MAP3K13: variants seen among roughly 807,000 people sequenced by gnomAD.
MAP3K13 encodes mitogen-activated protein kinase kinase kinase 13, also known as leucine zipper-bearing kinase.
Under a neutral mutation model 104.0 loss-of-function variants are expected in MAP3K13, and 52 were observed. The ratio of observed to expected loss-of-function variants is 0.50; its 90% CI spans 0.40 to 0.63. The LOEUF (loss-of-function observed/expected upper bound fraction) is 0.63. Ranked by LOEUF, MAP3K13 falls within the 20% of genes least tolerant of loss-of-function variation. MAP3K13 has a pLI of 0.00. For synonymous variants in MAP3K13, 394 were observed against 442.2 expected (o/e 0.89, Z 1.37); for missense variants, 914 against 1,218.5 (o/e 0.75, Z 3.72).
Position 185,480,261 on chromosome 3 carries a change from C to T in MAP3K13, c.2531C>T (p.Ser844Leu). Residue 844 changes from serine to leucine, a missense_variant, in exon 13 of 14, where the codon TCA becomes TTA. Ser to Leu is a moderately radical substitution (Grantham distance 145). Coordinates refer to ENST00000265026, the MANE Select transcript of MAP3K13 (RefSeq NM_004721.5). ...CATCGCTGTATCAGCAGCTGCCAGT[C>T]ATATTCAACCTTTAGCTCTGAGAAT... is the stretch of plus-strand genomic sequence containing the variant. ...RPHRCISSCQ[S>L]YSTFSSENFS... 1 of 1,614,138 alleles carries T rather than the reference C, an allele frequency of 6.2e-7. No individual in the cohort carries two copies. The highest frequency in any genetic ancestry group is 8.5e-7 in the Non-Finnish European group (1 of 1,180,020).
At chr3:185,392,865 A>G (rs1358972446) in intron 1 of MAP3K13, among the ~76,000 whole-genome samples, 1 of 152,064 alleles carries the variant, frequency 6.6e-6, no homozygotes, top group Non-Finnish European at 1.5e-5. Context: ...CCTGGCCAAC[A>G]TGATGAAACC....
chr3:185,445,588 G>A (rs1370851795), intron 4 of MAP3K13, among the ~76,000 whole-genome samples: 4 of 152,160 alleles, frequency 2.6e-5, no homozygotes, highest in African/African-American at 4.8e-5. Context: ...TCAGGAAGCC[G>A]TAGAATAGAG....
chr3:185,423,899 C>T lies in MAP3K13; in HGVS notation c.-85-4598C>T, dbSNP rs1280526246. On this transcript the variant is annotated intron_variant, in intron 1 of 13. Coordinates refer to ENST00000265026, the MANE Select transcript of MAP3K13 (RefSeq NM_004721.5). This position sits in a 1 kb window ranked among gnomAD's most constrained non-coding sequence, Gnocchi z 4.1. ...CCCTGCCTCTGCCAGTGCTCTTGTTCGCCCCTGATTTCCTTCCGTCTGTCA... is the reference window on the plus strand; with the variant it reads ...CCCTGCCTCTGCCAGTGCTCTTGTTTGCCCCTGATTTCCTTCCGTCTGTCA... Among the ~76,000 whole-genome samples the T allele has an allele frequency of 1.3e-5, 2 of 152,168 alleles. No individual in the cohort carries two copies. The highest frequency in any genetic ancestry group is 4.8e-5 in the African/African-American group (2 of 41,436).
chr3:185,400,992 C>T (rs1712778908), intron 1 of MAP3K13, among the ~76,000 whole-genome samples: 1 of 148,114 alleles, frequency 6.8e-6, no homozygotes, highest in Non-Finnish European at 1.5e-5. Flanking sequence ...AGCAGCTAAG[C>T]TTACCTTGCT....
At chr3:185,377,894 G>A (rs990446839) in intron 1 of MAP3K13, among the ~76,000 whole-genome samples, 3 of 152,232 alleles carry the variant, frequency 2.0e-5, no homozygotes, top group African/African-American at 2.4e-5. Context: ...TGGACAGTCC[G>A]ATTTCCAGTG....
chr3:185,455,659 T>TATC (rs1716600969), intron 7 of MAP3K13, among the ~76,000 whole-genome samples: 2 of 21,648 alleles, frequency 9.2e-5, no homozygotes, highest in African/African-American at 2.2e-4. Context: ...ATATATATGA[T>TATC]ATATATATGA....
intron 2 of MAP3K13, among the ~76,000 whole-genome samples, chr3:185,332,100 A>G (rs1396634726): frequency 1.3e-5 from 2 of 152,228 alleles, no homozygotes; most frequent in East Asian, 3.8e-4. Context: ...AGCCTTGTAC[A>G]TGTATCATTT....
At chr3:185,322,686 A>G (rs1269204359) in intron 2 of MAP3K13, among the ~76,000 whole-genome samples, 1 of 152,168 alleles carries the variant, frequency 6.6e-6, no homozygotes, top group African/African-American at 2.4e-5. Flanking sequence ...TTGCCTTTAT[A>G]AACTCACTCT....
At chr3:185,466,992 A>C in intron 10 of MAP3K13, 29 bp downstream of exon 10, 1 of 1,613,314 alleles carries the variant, frequency 6.2e-7, no homozygotes, top group Non-Finnish European at 8.5e-7. Flanking sequence ...CGCAGTATTC[A>C]GATAAATAGG....
At chr3:185,354,013 G>A (rs1723244670) in intron 2 of MAP3K13, among the ~76,000 whole-genome samples, 1 of 152,158 alleles carries the variant, frequency 6.6e-6, no homozygotes, top group African/African-American at 2.4e-5. Context: ...ATTAGACCAG[G>A]CTGTGTTTGT....
At chr3:185,297,209 A>G (rs2108677088) in intron 2 of MAP3K13, among the ~76,000 whole-genome samples, 1 of 152,336 alleles carries the variant, frequency 6.6e-6, no homozygotes, top group South Asian at 2.1e-4. Context: ...GTCCATTACA[A>G]AGGCTCTGCT....
intron 2 of MAP3K13, among the ~76,000 whole-genome samples, chr3:185,437,196 G>A (rs763944774): frequency 6.6e-6 from 1 of 151,914 alleles, no homozygotes; most frequent in Non-Finnish European, 1.5e-5. Flanking sequence ...GGTAGGATAT[G>A]TTTTATTTGG....
intron 1 of MAP3K13, among the ~76,000 whole-genome samples, chr3:185,402,375 G>GT (rs1424291602): frequency 4.1e-4 from 62 of 151,936 alleles, no homozygotes; most frequent in Non-Finnish European, 2.9e-5. Flanking sequence ...GCTTTGGGTG[G>GT]TTTTTTAAAA....
chr3:185,297,871 CTACTCT>C (rs1414075579), intron 2 of MAP3K13, among the ~76,000 whole-genome samples: 40 of 150,356 alleles, frequency 2.7e-4, no homozygotes, highest in Non-Finnish European at 3.7e-4. Flanking sequence ...AAAATAAGAG[CTACTCT>C]CTCTCTCTCT....
chr3:185,313,129 C>T (rs371003671), intron 2 of MAP3K13, among the ~76,000 whole-genome samples: 7 of 150,526 alleles, frequency 4.7e-5, no homozygotes, highest in African/African-American at 1.2e-4. Flanking sequence ...GTGGAGGTTG[C>T]AGTGAGCTGA....
chr3:185,377,622 G>A (rs541321270), intron 1 of MAP3K13, among the ~76,000 whole-genome samples: 148 of 152,306 alleles, frequency 9.7e-4, no homozygotes, highest in Admixed American at 2.2e-3. Context: ...TAGAAGCCTG[G>A]CCGTCAATAC....
intron 2 of MAP3K13, among the ~76,000 whole-genome samples, chr3:185,348,645 A>G (rs960257125): frequency 6.6e-6 from 1 of 152,140 alleles, no homozygotes; most frequent in African/African-American, 2.4e-5. Context: ...CTGGCCAGGC[A>G]TGGTGGCTCA....
intron 2 of MAP3K13, among the ~76,000 whole-genome samples, chr3:185,298,785 T>C (rs1721001942): frequency 6.6e-6 from 1 of 152,192 alleles, no homozygotes; most frequent in Non-Finnish European, 1.5e-5. Context: ...GACACTAATT[T>C]TGCCATATAG....
In MAP3K13 at chr3:185,480,322, T is replaced by C; in HGVS notation, c.2592T>C (p.Ser864=). 1.9e-6 allele frequency: 3 copies of C among 1,614,214 alleles called. No homozygotes were observed. Among genetic ancestry groups the C allele is most frequent in the East Asian group, 2.2e-5 (1 of 44,886 alleles). Reference sequence around the variant, plus strand: ...CTGATGGAGAAGAGGGAAATACCAGTGACCACTCAAACAGTCCTGATGAGT... The same window carrying C: ...CTGATGGAGAAGAGGGAAATACCAGCGACCACTCAAACAGTCCTGATGAGT... ...SVSDGEEGNT[S]DHSNSPDELA... The change falls in exon 13 of 14, where the codon AGT becomes AGC. Residue 864 remains serine (S), a synonymous_variant. Transcript: ENST00000265026.
Sources: gnomAD v4.1 joint callset for allele counts (sites outside exome capture counted in the v4.1 genomes callset) on GRCh38, gnomAD v4.1.1 for gene constraint, Gnocchi (gnomAD v3.1) non-coding constraint, MANE v1.5 for transcripts, NCBI Gene and HGNC (gene_info 2026-07-23, HGNC 2026-07-21) for gene names.